The following CYTH1 variants were observed in gnomAD, a reference collection of about 807,000 sequenced individuals.
CYTH1 encodes the protein cytohesin-1.
In CYTH1, 18 loss-of-function variants were observed where a neutral mutation model predicts 61.8. The ratio of observed to expected loss-of-function variants is 0.29; its 90% CI spans 0.20 to 0.43. The LOEUF is 0.43. Among genes scored for constraint, CYTH1 ranks in the 20% least tolerant of loss-of-function variants. The pLI is 1.00. For synonymous variants in CYTH1, 174 were observed against 184.3 expected, an observed-to-expected ratio of 0.94 and a Z score of 0.45; for missense variants, 336 against 510.5, an observed-to-expected ratio of 0.66 and a Z score of 3.29.
intron 1 of CYTH1, among the ~76,000 whole-genome samples, chr17:78,771,117 G>A (rs978343253): frequency 2.0e-5 from 3 of 152,130 alleles, no homozygotes; most frequent in Non-Finnish European, 4.4e-5. Context: ...ACAAAAATTA[G>A]CCAGGCATGG....
At chr17:78,747,850 G>A (rs1319053650) in intron 1 of CYTH1, among the ~76,000 whole-genome samples, 2 of 152,118 alleles carry the variant, frequency 1.3e-5, no homozygotes, top group African/African-American at 2.4e-5. Context: ...GCTGCTATAA[G>A]CACGTAAAAT....
At chr17:78,738,074 C>T (rs567889065) in intron 1 of CYTH1, among the ~76,000 whole-genome samples, 46 of 152,260 alleles carry the variant, frequency 3.0e-4, no homozygotes, top group African/African-American at 8.2e-4. Flanking sequence ...TCTCAATACA[C>T]GTGTGCACAC....
intron 9 of CYTH1, among the ~76,000 whole-genome samples, chr17:78,697,855 G>A (rs2092957477): frequency 6.6e-6 from 1 of 152,192 alleles, no homozygotes; most frequent in Admixed American, 6.5e-5. Context: ...CGGACCAGGT[G>A]CTCAGGGAAC....
At chr17:78,766,239 T>C (rs1372220245) in intron 1 of CYTH1, among the ~76,000 whole-genome samples, 1 of 152,158 alleles carries the variant, frequency 6.6e-6, no homozygotes. Context: ...CACTGTTAAA[T>C]GAGTTCTTTC....
chr17:78,756,985 T>C (rs1196952961), intron 1 of CYTH1, among the ~76,000 whole-genome samples: 1 of 150,468 alleles, frequency 6.6e-6, no homozygotes, highest in African/African-American at 2.5e-5. Flanking sequence ...TTTTCTTTTT[T>C]TTCTTTTTTT....
intron 2 of CYTH1, 192 bp downstream of exon 2, chr17:78,709,458 C>G (rs79859456): frequency 1.7e-6 from 1 of 573,136 alleles, no homozygotes; most frequent in African/African-American, 1.9e-5. Flanking sequence ...GCCACTCAAC[C>G]TCTCTGACAC....
intron 1 of CYTH1, among the ~76,000 whole-genome samples, chr17:78,731,392 G>A (rs1274956283): frequency 6.6e-6 from 1 of 152,156 alleles, no homozygotes; most frequent in African/African-American, 2.4e-5. Flanking sequence ...AAACCCATAT[G>A]AATTCCCCAC....
At chr17:78,739,834 A>G (rs1204218319) in intron 1 of CYTH1, among the ~76,000 whole-genome samples, 1 of 152,226 alleles carries the variant, frequency 6.6e-6, no homozygotes. Context: ...TTCAGGGTAC[A>G]GCCAAGGATG....
At chr17:78,777,599 A>C (rs999812650) in intron 1 of CYTH1, among the ~76,000 whole-genome samples, 29 of 151,918 alleles carry the variant, frequency 1.9e-4, no homozygotes, top group Non-Finnish European at 1.5e-5. Flanking sequence ...AAACTCTAAG[A>C]CTCTCTTTCT....
intron 1 of CYTH1, among the ~76,000 whole-genome samples, chr17:78,733,867 G>T (rs2093307470): frequency 6.6e-6 from 1 of 152,256 alleles, no homozygotes; most frequent in East Asian, 1.9e-4. Flanking sequence ...GCACCCTGAA[G>T]GGGGCTTAGT....
chr17:78,688,275 AGCCGTGGT>A (rs920945791), intron 11 of CYTH1, among the ~76,000 whole-genome samples: 2 of 152,250 alleles, frequency 1.3e-5, no homozygotes, highest in Non-Finnish European at 2.9e-5. Context: ...CTTGAATAGC[AGCCGTGGT>A]GTTGGTTGGC....
intron 1 of CYTH1, among the ~76,000 whole-genome samples, chr17:78,773,466 C>T (rs1482367406): frequency 1.3e-5 from 2 of 151,950 alleles, no homozygotes; most frequent in East Asian, 1.9e-4. Context: ...CCCATCTCTA[C>T]TAAAAATACA....
intron 1 of CYTH1, among the ~76,000 whole-genome samples, chr17:78,768,500 T>C (rs1248794955): frequency 6.6e-6 from 1 of 152,230 alleles, no homozygotes; most frequent in Non-Finnish European, 1.5e-5. Context: ...ATGGAAACTC[T>C]CCAAGCAGTC....
chr17:78,739,601 T>C (rs1406239733), intron 1 of CYTH1, among the ~76,000 whole-genome samples: 2 of 152,172 alleles, frequency 1.3e-5, no homozygotes, highest in African/African-American at 4.8e-5. Flanking sequence ...TTAAGGACTC[T>C]GGTTTCCATT....
intron 1 of CYTH1, among the ~76,000 whole-genome samples, chr17:78,744,104 C>T (rs567746249): frequency 6.6e-6 from 1 of 152,286 alleles, no homozygotes; most frequent in Non-Finnish European, 1.5e-5. Flanking sequence ...GGTGCTGCTT[C>T]TTGGTTGGTA....
rs368044455 is a variant in CYTH1 at position 78,729,001 on chromosome 17, T to C, written c.23-19269A>G. Among the ~76,000 whole-genome samples the C allele has an allele frequency of 7.9e-5, 12 of 152,278 alleles. No homozygotes were observed. The South Asian group carries it at 2.3e-3, about 29-fold the overall frequency. On this transcript the variant is annotated intron_variant, in intron 1 of 13. Coordinates refer to ENST00000446868, the MANE Select transcript of CYTH1 (RefSeq NM_004762.6). Reference sequence around the variant, plus strand: ...AGTCTGCTCATTTGCGACATGAAAATGAAAAGCTTCTGAGTGAAAAATAAT... The same window carrying C: ...AGTCTGCTCATTTGCGACATGAAAACGAAAAGCTTCTGAGTGAAAAATAAT...
intron 3 of CYTH1, among the ~76,000 whole-genome samples, chr17:78,706,851 G>A (rs1307087300): frequency 1.3e-5 from 2 of 152,138 alleles, no homozygotes; most frequent in African/African-American, 4.8e-5. Context: ...CTACACATAT[G>A]GCTTCTTTTG....
rs1283330124 is a variant in CYTH1 at position 78,770,890 on chromosome 17, G to A, written c.22+11312C>T. ...TACCTGTAATCCCAGCAGTTTGGGA[G>A]GCCAAGGCAGGCATATTCCTTGAGC... On this transcript the variant is annotated intron_variant, in intron 1 of 13. Coordinates refer to ENST00000446868, the MANE Select transcript of CYTH1 (RefSeq NM_004762.6). Among the ~76,000 whole-genome samples, 3 of 152,252 alleles carry A rather than the reference G, an allele frequency of 2.0e-5. No homozygotes were observed. The East Asian group carries it at 5.8e-4, about 29-fold the overall frequency.
At position 78,680,314 on chromosome 17, in the gene CYTH1, T is replaced by C; in HGVS notation, c.994A>G (p.Lys332Glu). 3.1e-6 allele frequency: 5 copies of C among 1,614,090 alleles called. No homozygotes were observed. Among genetic ancestry groups the C allele is most frequent in the Non-Finnish European group, 4.2e-6 (5 of 1,179,980 alleles). The stretch of plus-strand genomic sequence containing the variant: ...TTGCAGGCCTTGATAACTTGGTCTT[T>C]ATTGTCGGGGATATAAAGCTCAAAG... ...NCFELYIPDN[K>E]DQVIKACKTE... Residue 332 changes from lysine (K) to glutamate (E), a missense_variant, in exon 13 of 14, where the codon AAA becomes GAA. Lys to Glu is a moderately conservative substitution (Grantham distance 56). Coordinates refer to ENST00000446868, the MANE Select transcript of CYTH1 (RefSeq NM_004762.6).
Sources: allele counts gnomAD v4.1 joint callset (sites outside exome capture counted in the v4.1 genomes callset), GRCh38; gene constraint gnomAD v4.1.1; transcripts MANE v1.5; gene names NCBI Gene and HGNC (gene_info 2026-07-23, HGNC 2026-07-21).